Variants in SUPT3H observed in about 807,000 individuals in gnomAD.
The protein encoded by SUPT3H is transcription initiation protein SPT3 homolog.
A neutral mutation model predicts 44.3 loss-of-function variants in SUPT3H; 44 were observed. That is an observed-to-expected ratio of 0.99 (90% CI 0.78 to 1.28). The LOEUF is 1.28. Ranked by LOEUF, SUPT3H falls within the 50% of genes most tolerant of loss-of-function variation. The pLI is 0.00. For missense variants in SUPT3H, 380 were observed against 387.1 expected (o/e 0.98, Z 0.15); for synonymous variants, 124 against 125.6 (o/e 0.99, Z 0.09).
rs777133233 is a variant in SUPT3H at position 44,954,536 on chromosome 6, T to C, written c.652A>G (p.Met218Val). Residue 218 changes from methionine (M) to valine (V), a missense_variant, in exon 8 of 11, where the codon ATG (methionine) becomes GTG (valine). By Grantham distance (21) the Met-to-Val change is conservative. Transcript: ENST00000371459. ...TACGCTAAATATGCTAAGATTTCCA[T>C]TGCGACAACATTGGGTTTTATCTCC... ...SMEIKPNVVAMEILAYLAYET... is the reference protein window; with the variant it reads ...SMEIKPNVVAVEILAYLAYET... 7 of 1,614,174 alleles carry C rather than the reference T, an allele frequency of 4.3e-6. No individual in the cohort carries two copies. Among genetic ancestry groups the C allele is most frequent in the East Asian group, 2.2e-5 (1 of 44,878 alleles).
At chr6:44,910,476 G>A (rs1766838860) in intron 10 of SUPT3H, among the ~76,000 whole-genome samples, 1 of 151,754 alleles carries the variant, frequency 6.6e-6, no homozygotes, top group African/African-American at 2.4e-5. Context: ...TTACTTCATG[G>A]GATTTAAGTA....
chr6:44,857,894 G>GA (rs1235685346), intron 10 of SUPT3H, among the ~76,000 whole-genome samples: 5 of 152,142 alleles, frequency 3.3e-5, no homozygotes, highest in African/African-American at 1.2e-4. Flanking sequence ...CAGGAGGGAA[G>GA]TAAAGACTTG....
chr6:44,889,930 A>AC (rs1288504339), intron 10 of SUPT3H, among the ~76,000 whole-genome samples: 2 of 151,290 alleles, frequency 1.3e-5, no homozygotes, highest in African/African-American at 4.8e-5. Flanking sequence ...AAAACAAACA[A>AC]CCCCATCAAA....
At chr6:44,933,846 C>T (rs890818673) in intron 9 of SUPT3H, among the ~76,000 whole-genome samples, 2 of 152,152 alleles carry the variant, frequency 1.3e-5, no homozygotes, top group Admixed American at 6.5e-5. Context: ...TATGGTCTCG[C>T]TATGATGCCC....
At chr6:45,087,710 G>A (rs1474286813) in intron 3 of SUPT3H, among the ~76,000 whole-genome samples, 1 of 151,846 alleles carries the variant, frequency 6.6e-6, no homozygotes, top group Non-Finnish European at 1.5e-5. Flanking sequence ...CACTGGTCAA[G>A]TTTGGGGGCT....
At chr6:45,077,626 C>CAAAAAAAAAAA (rs70993493) in intron 3 of SUPT3H, among the ~76,000 whole-genome samples, 6,999 of 33,910 alleles carry the variant, frequency 0.21, 1,631 homozygotes, top group Non-Finnish European at 0.25. Flanking sequence ...GACCTTGTTT[C>CAAAAAAAAAAA]AAAAAAAAAA....
intron 2 of SUPT3H, among the ~76,000 whole-genome samples, chr6:45,148,199 A>G (rs1806389581): frequency 1.3e-5 from 2 of 152,122 alleles, no homozygotes; most frequent in Non-Finnish European, 2.9e-5. Context: ...GTTATAGAAA[A>G]TTCCTTCCTT....
intron 2 of SUPT3H, among the ~76,000 whole-genome samples, chr6:45,183,021 C>A (rs1813557450): frequency 6.6e-6 from 1 of 152,208 alleles, no homozygotes; most frequent in South Asian, 2.1e-4. Flanking sequence ...ATTTGTATAT[C>A]AATGTTCACT....
chr6:45,343,589 A>C (rs1790270243), intron 2 of SUPT3H, among the ~76,000 whole-genome samples: 1 of 152,230 alleles, frequency 6.6e-6, no homozygotes, highest in South Asian at 2.1e-4. Context: ...CTTGTAAAAA[A>C]TGCCTTCAAT....
chr6:45,368,187 T>C (rs1795473542), intron 1 of SUPT3H, among the ~76,000 whole-genome samples: 2 of 152,224 alleles, frequency 1.3e-5, no homozygotes, highest in Non-Finnish European at 2.9e-5. Flanking sequence ...CTGTTTGCCA[T>C]ATTTTACAAA....
At chr6:45,120,347 G>C (rs1801436667) in intron 2 of SUPT3H, among the ~76,000 whole-genome samples, 1 of 147,278 alleles carries the variant, frequency 6.8e-6, no homozygotes, top group Non-Finnish European at 1.5e-5. Context: ...GATTTTGGGA[G>C]GTCGAGGAGG....
At chr6:44,999,977 T>C (rs1337283463) in intron 6 of SUPT3H, among the ~76,000 whole-genome samples, 1 of 152,034 alleles carries the variant, frequency 6.6e-6, no homozygotes, top group African/African-American at 2.4e-5. Context: ...TTAAATAATC[T>C]AGAAAAATTA....
intron 2 of SUPT3H, among the ~76,000 whole-genome samples, chr6:45,312,015 C>T (rs1046682340): frequency 6.6e-6 from 1 of 152,160 alleles, no homozygotes; most frequent in Non-Finnish European, 1.5e-5. Flanking sequence ...AAATGCTCCA[C>T]TTATAACATA....
chr6:45,162,943 G>A (rs185887546), intron 2 of SUPT3H, among the ~76,000 whole-genome samples: 10 of 152,250 alleles, frequency 6.6e-5, no homozygotes, highest in Admixed American at 2.6e-4. Context: ...AAGACTGTCT[G>A]CATCCCTGGA....
chr6:44,959,904 G>C (rs529505562), intron 7 of SUPT3H, among the ~76,000 whole-genome samples: 5 of 152,244 alleles, frequency 3.3e-5, no homozygotes, highest in African/African-American at 9.6e-5. Context: ...TGCAGGAATA[G>C]CTTCTGAATT....
At chr6:44,915,032 A>C (rs1483592842) in intron 10 of SUPT3H, among the ~76,000 whole-genome samples, 1 of 152,208 alleles carries the variant, frequency 6.6e-6, no homozygotes, top group Non-Finnish European at 1.5e-5. Flanking sequence ...CTGGGCACAT[A>C]TCTATCTAAA....
intron 1 of SUPT3H, among the ~76,000 whole-genome samples, chr6:45,365,792 T>C (rs1795034733): frequency 6.6e-6 from 1 of 151,466 alleles, no homozygotes; most frequent in African/African-American, 2.4e-5. Context: ...AGCTGAAAGA[T>C]ACAAAATTAG....
At chr6:44,862,661 G>C (rs1427917866) in intron 10 of SUPT3H, among the ~76,000 whole-genome samples, 1 of 118,056 alleles carries the variant, frequency 8.5e-6, no homozygotes, top group African/African-American at 3.3e-5. Flanking sequence ...CTGGGCAACA[G>C]AATGAAACTC....
In SUPT3H at chr6:45,148,815, C is replaced by T. The variant is rs538378265; in HGVS notation, c.102-42809G>A. On this transcript the variant is annotated intron_variant, in intron 2 of 10. Coordinates refer to ENST00000371459, the MANE Select transcript of SUPT3H (RefSeq NM_003599.4). ...TGTTACTGAGTTTTTGAGTATTGTG[C>T]CATAACCCCATTTTCCCGTAAGTCC... Among the ~76,000 whole-genome samples, 3 of 152,208 alleles carry T rather than the reference C, an allele frequency of 2.0e-5. No homozygotes were observed. The South Asian group carries it at 6.2e-4, about 32-fold the overall frequency.
Sources: allele counts gnomAD v4.1 joint callset (sites outside exome capture counted in the v4.1 genomes callset), GRCh38; gene constraint gnomAD v4.1.1; transcripts MANE v1.5; gene names NCBI Gene and HGNC (gene_info 2026-07-23, HGNC 2026-07-21).